HDAC9: variants seen among roughly 807,000 people sequenced by gnomAD.
The protein encoded by HDAC9 is histone deacetylase 9.
In HDAC9, 41 loss-of-function variants were observed where a neutral mutation model predicts 139.4. The ratio of observed to expected loss-of-function variants is 0.29; its 90% CI spans 0.23 to 0.38. HDAC9 has a LOEUF of 0.38. HDAC9 is among the 10% of genes least tolerant of loss of function. The pLI is 1.00. For synonymous variants in HDAC9, 517 were observed against 476.2 expected (o/e 1.09, Z -1.12); for missense variants, 1,147 against 1,297.0 (o/e 0.88, Z 1.78).
Position 18,227,050 on chromosome 7 carries a change from T to C in HDAC9, c.25+64701T>C, listed in dbSNP as rs112263141. On this transcript the variant is annotated intron_variant, in intron 2 of 12. Coordinates refer to the HDAC9 transcript ENST00000417496. Reference sequence around the variant, plus strand: ...GGACGTGTAGATTAGTATAGTTTTATAAATTTTGCCCTTGAAGAGCAAGAC... The same window carrying C: ...GGACGTGTAGATTAGTATAGTTTTACAAATTTTGCCCTTGAAGAGCAAGAC... 8.0e-3 allele frequency among the ~76,000 whole-genome samples: 1,214 copies of C among 152,282 alleles called. 18 individuals carry two copies. The highest frequency in any genetic ancestry group is 0.028 in the African/African-American group (1,146 of 41,546).
intron 22 of HDAC9, among the ~76,000 whole-genome samples, chr7:18,923,701 G>C (rs910751140): frequency 6.6e-6 from 1 of 151,976 alleles, no homozygotes; most frequent in Non-Finnish European, 1.5e-5. Flanking sequence ...ATATAAGTTG[G>C]ATATTGGGCT....
intron 16 of HDAC9, among the ~76,000 whole-genome samples, chr7:18,781,929 T>G (rs747261975): frequency 6.6e-6 from 1 of 152,128 alleles, no homozygotes; most frequent in Non-Finnish European, 1.5e-5. Context: ...CCTGACACAG[T>G]GCAAAAGTTA....
chr7:18,762,723 T>C (rs17139857), intron 15 of HDAC9, among the ~76,000 whole-genome samples: 13,946 of 152,242 alleles, frequency 0.092, 2,006 homozygotes, highest in African/African-American at 0.3. Context: ...AAACTCATTA[T>C]TACTATGCCC....
chr7:18,510,919 A>G (rs1176459812), intron 2 of HDAC9, among the ~76,000 whole-genome samples: 1 of 152,202 alleles, frequency 6.6e-6, no homozygotes. Context: ...TATCCTTAAA[A>G]CAGCATAAAT....
chr7:18,207,505 C>G (rs1207585025), intron 2 of HDAC9, among the ~76,000 whole-genome samples: 1 of 143,342 alleles, frequency 7.0e-6, no homozygotes, highest in Non-Finnish European at 1.5e-5. Flanking sequence ...CTCCTGGGCT[C>G]AAGCTGTCCT....
intron 6 of HDAC9, among the ~76,000 whole-genome samples, chr7:18,601,619 G>C (rs1833972502): frequency 6.6e-6 from 1 of 152,126 alleles, no homozygotes; most frequent in African/African-American, 2.4e-5. Context: ...TGTAGATTTT[G>C]TGTTTGTGTT....
At chr7:18,094,439 CTT>C (rs762146571) in intron 1 of HDAC9, among the ~76,000 whole-genome samples, 125 of 135,854 alleles carry the variant, frequency 9.2e-4, no homozygotes, top group Admixed American at 1.3e-3. Flanking sequence ...GTTACCTTTA[CTT>C]TTTTTTTTTT....
chr7:18,359,412 TGCTGTTGTCC>T (rs1250903694), intron 1 of HDAC9, among the ~76,000 whole-genome samples: 1 of 152,192 alleles, frequency 6.6e-6, no homozygotes, highest in Non-Finnish European at 1.5e-5. Flanking sequence ...GAAGGATATT[TGCTGTTGTCC>T]CAAACTATCT....
intron 1 of HDAC9, among the ~76,000 whole-genome samples, chr7:18,434,175 A>G (rs1466693991): frequency 6.6e-6 from 1 of 152,326 alleles, no homozygotes; most frequent in South Asian, 2.1e-4. Context: ...GATGATTCCT[A>G]TATAATATAT....
At chr7:18,710,740 G>A (rs766339027) in intron 12 of HDAC9, among the ~76,000 whole-genome samples, 3 of 152,144 alleles carry the variant, frequency 2.0e-5, no homozygotes, top group South Asian at 2.1e-4. Flanking sequence ...GAAAATGTAC[G>A]TGCTATTCCC....
At position 18,533,000 on chromosome 7, in the gene HDAC9, A is replaced by G. The variant is rs1333558479; in HGVS notation, c.22+36676A>G. Among the ~76,000 whole-genome samples, 5 of 152,136 alleles carry G rather than the reference A, an allele frequency of 3.3e-5. No individual in the cohort carries two copies. The East Asian group carries it at 9.6e-4, about 29-fold the overall frequency. On this transcript the variant is annotated intron_variant, in intron 2 of 25. Transcript: ENST00000686413. ...TGTGTGCACACACACAAATATGTAC[A>G]CTTTTCTTCTCTACTCTTCCCAGTA...
intron 1 of HDAC9, among the ~76,000 whole-genome samples, chr7:18,444,703 C>G (rs541209178): frequency 2.0e-5 from 3 of 152,022 alleles, no homozygotes; most frequent in Non-Finnish European, 2.9e-5. Context: ...GCATGAATAC[C>G]GAAATAAAAA....
chr7:18,553,347 C>T (rs1427898599), intron 2 of HDAC9, among the ~76,000 whole-genome samples: 1 of 152,080 alleles, frequency 6.6e-6, no homozygotes, highest in Non-Finnish European at 1.5e-5. Context: ...TGCTTTTCCC[C>T]CCTCAAGAAC....
intron 11 of HDAC9, among the ~76,000 whole-genome samples, chr7:18,662,775 G>A (rs1793615804): frequency 6.6e-6 from 1 of 152,096 alleles, no homozygotes; most frequent in African/African-American, 2.4e-5. Context: ...ACGAGACGGT[G>A]AAAGTAAATT....
intron 1 of HDAC9, among the ~76,000 whole-genome samples, chr7:18,336,666 T>A (rs1425696811): frequency 6.6e-6 from 1 of 151,664 alleles, no homozygotes; most frequent in Non-Finnish European, 1.5e-5. Context: ...GGATATTTAT[T>A]ATAATACTTC....
At chr7:18,773,662 A>G (rs537631620) in intron 16 of HDAC9, among the ~76,000 whole-genome samples, 1 of 152,190 alleles carries the variant, frequency 6.6e-6, no homozygotes, top group Non-Finnish European at 1.5e-5. Flanking sequence ...TGCCAAGGAG[A>G]CGTTAGGCTT....
At chr7:18,459,715 G>A (rs530281440) in intron 1 of HDAC9, among the ~76,000 whole-genome samples, 3 of 152,062 alleles carry the variant, frequency 2.0e-5, no homozygotes, top group Non-Finnish European at 2.9e-5. Flanking sequence ...AGTTCTCTAA[G>A]GATAGTGTGT....
rs550366546 is a variant in HDAC9, at chr7:18,988,105, C to G, written c.3171-7918C>G. Among the ~76,000 whole-genome samples the G allele has an allele frequency of 5.9e-5, 9 of 152,276 alleles. 1 individual carries two copies. In the East Asian group the frequency reaches 7.7e-4, roughly 13 times the overall value. ...TTAGTTATTTCTTGCCTTCTGCTAG[C>G]TTTTGAATGTGTTTGCTCTTGCTTT... On this transcript the variant is annotated intron_variant, in intron 25 of 25. Transcript: ENST00000686413.
At chr7:18,534,921 G>GATGCTACAATC (rs1810370133) in intron 2 of HDAC9, among the ~76,000 whole-genome samples, 2 of 152,170 alleles carry the variant, frequency 1.3e-5, no homozygotes, top group Admixed American at 1.3e-4. Context: ...GTGATTTAAG[G>GATGCTACAATC]ATGCTACAAT....
Sources: gnomAD v4.1 joint callset for allele counts (sites outside exome capture counted in the v4.1 genomes callset) on GRCh38, gnomAD v4.1.1 for gene constraint, MANE v1.5 for transcripts, NCBI Gene and HGNC (gene_info 2026-07-23, HGNC 2026-07-21) for gene names.